SYNE2: variants seen among roughly 807,000 people sequenced by gnomAD.
SYNE2 encodes the protein spectrin repeat containing nuclear envelope protein 2.
In SYNE2, 431 loss-of-function variants were observed where a neutral mutation model predicts 856.3. The ratio of observed to expected loss-of-function variants is 0.50; its 90% confidence interval spans 0.47 to 0.55. The LOEUF (loss-of-function observed/expected upper bound fraction) is 0.55, where lower values mean the gene tolerates loss of function less well. Ranked by LOEUF, SYNE2 falls within the 20% of genes least tolerant of loss-of-function variation. The pLI is 0.00. For missense variants in SYNE2, 8,129 were observed against 8,023.2 expected (o/e 1.01, Z -0.50); for synonymous variants, 2,923 against 2,872.3 (o/e 1.02, Z -0.56).
At chr14:64,017,474 T>G (rs1436708603) in intron 33 of SYNE2, 121 bp from the exon 34 acceptor site, 1 of 799,442 alleles carries the variant, frequency 1.3e-6, no homozygotes, top group Admixed American at 2.3e-5. Flanking sequence ...TGTTGATGAA[T>G]AAAGCAGATT....
rs781609349 is a variant in SYNE2 at position 64,119,598 on chromosome 14, A to G, written c.13012A>G (p.Ser4338Gly). The part of the protein sequence containing the change: ...KVQMMLQEKH[S>G]EDQHPTILKK... ...CCAGATGATGCTTCAGGAGAAGCACAGTGAAGATCAGGTAAAAAATGACTA... is the reference window on the plus strand; with the variant it reads ...CCAGATGATGCTTCAGGAGAAGCACGGTGAAGATCAGGTAAAAAATGACTA... The change falls in exon 67 of 116, where the codon AGT becomes GGT. Residue 4338 changes from serine to glycine, a missense_variant. By Grantham distance (56) the Ser-to-Gly change is moderately conservative (BLOSUM62 0). Around this residue, in one of 3 missense-constraint regions of SYNE2, gnomAD observed 5,410 missense variants for 5,284.8 expected, o/e 1.02. Transcript: ENST00000555002. 4 of 1,614,166 alleles carry G rather than the reference A, an allele frequency of 2.5e-6. No homozygotes were observed. In the South Asian group the frequency reaches 4.4e-5, roughly 18 times the overall value.
intron 58 of SYNE2, among the ~76,000 whole-genome samples, 155 bp from the exon 59 acceptor site, chr14:64,089,419 A>G (rs1224528598): frequency 6.8e-6 from 1 of 146,796 alleles, no homozygotes; most frequent in Non-Finnish European, 1.5e-5. Context: ...GGTGAACATT[A>G]TTTATTTATC....
intron 39 of SYNE2, among the ~76,000 whole-genome samples, chr14:64,024,681 T>C (rs1252625871): frequency 6.6e-6 from 1 of 152,170 alleles, no homozygotes; most frequent in Non-Finnish European, 1.5e-5. Context: ...GAAAAAAGTT[T>C]TCTGTTTCCT....
At chr14:64,012,960 G>A (rs1016865355) in intron 32 of SYNE2, among the ~76,000 whole-genome samples, 12 of 152,146 alleles carry the variant, frequency 7.9e-5, no homozygotes, top group South Asian at 2.1e-4. Flanking sequence ...TAGTAACCTG[G>A]ATGTTTATCT....
rs1032143229 is a variant in SYNE2 at position 64,130,084 on chromosome 14, A to G, written c.14176A>G (p.Arg4726Gly). 3.1e-6 allele frequency: 5 copies of G among 1,614,008 alleles called. No homozygotes were observed. Among genetic ancestry groups the G allele is most frequent in the Non-Finnish European group, 4.2e-6 (5 of 1,180,052 alleles). The change falls in exon 76 of 116, where the codon AGG becomes GGG. Residue 4726 changes from arginine to glycine, a missense_variant. Around this residue, in one of 3 missense-constraint regions of SYNE2, gnomAD observed 5,410 missense variants for 5,284.8 expected, o/e 1.02. Transcript: ENST00000555002. The part of the protein sequence containing the change: ...LDSMWGMLRA[R>G]YTELSSPFVT... ...CAGTATGTGGGGAATGCTAAGAGCC[A>G]GGTACACAGAACTCAGCAGCCCTTT...
At chr14:63,962,049 T>TTTTG (rs1471253751) in intron 9 of SYNE2, among the ~76,000 whole-genome samples, 4 of 151,622 alleles carry the variant, frequency 2.6e-5, no homozygotes, top group African/African-American at 4.8e-5. Context: ...TTATTTTTAT[T>TTTTG]TTTGTTTATT....
At chr14:64,005,538 CA>C (rs1270767409) in intron 30 of SYNE2, among the ~76,000 whole-genome samples, 1 of 152,140 alleles carries the variant, frequency 6.6e-6, no homozygotes, top group Non-Finnish European at 1.5e-5. Flanking sequence ...GTAACTTGAA[CA>C]GTGAGTAAGA....
chr14:63,801,289 A>G (rs1420724165), intron 1 of SYNE2, among the ~76,000 whole-genome samples: 1 of 152,214 alleles, frequency 6.6e-6, no homozygotes, highest in Non-Finnish European at 1.5e-5. Flanking sequence ...TGATGGGTGC[A>G]CCAGATTCTC....
chr14:64,159,266 T>C (rs768737638), intron 86 of SYNE2, 46 bp from the exon 87 acceptor site: 58 of 1,612,686 alleles, frequency 3.6e-5, no homozygotes, highest in Non-Finnish European at 4.9e-5. Flanking sequence ...TCTTTGGAAG[T>C]AGCCAGGCCA....
intron 55 of SYNE2, among the ~76,000 whole-genome samples, chr14:64,079,988 A>C (rs2097505963): frequency 6.6e-6 from 1 of 152,150 alleles, no homozygotes; most frequent in African/African-American, 2.4e-5. Flanking sequence ...CACCCAGCCC[A>C]GATATTTTTC....
rs370235494 is a variant in SYNE2, at chr14:63,990,518, T to G, written c.2421T>G (p.Val807=). The G allele has an allele frequency of 2.5e-6, 4 of 1,613,932 alleles. No individual in the cohort carries two copies. Among genetic ancestry groups the G allele is most frequent in the Non-Finnish European group, 3.4e-6 (4 of 1,179,936 alleles). ...CAAGCCAGGAGTCCTTTCAACATGT[T>G]CTCACAACTGGGCTTCAGGCAAAGA... is the stretch of plus-strand genomic sequence containing the variant. The part of the protein sequence containing the change: ...NISSQESFQH[V]LTTGLQAKIQ... The change falls in exon 20 of 116, where the codon GTT becomes GTG. Residue 807 remains valine (V), a synonymous_variant. Transcript: ENST00000555002.
intron 2 of SYNE2, among the ~76,000 whole-genome samples, chr14:63,917,519 G>A (rs1238585069): frequency 1.3e-5 from 2 of 152,098 alleles, no homozygotes; most frequent in Non-Finnish European, 2.9e-5. Context: ...TGCCCAGGCT[G>A]GAGTGCAATG....
chr14:63,964,263 G>C (rs2096360698), intron 10 of SYNE2, among the ~76,000 whole-genome samples: 2 of 152,200 alleles, frequency 1.3e-5, no homozygotes, highest in African/African-American at 4.8e-5. Flanking sequence ...AGGTGATGTT[G>C]ATTCAGCTGG....
chr14:63,870,152 CATCT>C (rs1366571238), intron 1 of SYNE2, among the ~76,000 whole-genome samples: 3 of 152,106 alleles, frequency 2.0e-5, no homozygotes, highest in Non-Finnish European at 4.4e-5. Flanking sequence ...AACCACAAAT[CATCT>C]ATCCAGCCTT....
At chr14:64,215,675 C>T (rs1344790047) in intron 107 of SYNE2, 12 of 472,430 alleles carry the variant, frequency 2.5e-5, no homozygotes, top group Middle Eastern at 1.2e-3. Flanking sequence ...AAGCTTTCTT[C>T]ATGGTGGCTT....
At chr14:63,829,597 T>C (rs1276644131) in intron 1 of SYNE2, among the ~76,000 whole-genome samples, 1 of 152,108 alleles carries the variant, frequency 6.6e-6, no homozygotes, top group East Asian at 1.9e-4. Flanking sequence ...TTTTTATTTA[T>C]TTTTACTTTA....
chr14:64,187,981 T>A (rs1393273662), intron 97 of SYNE2, among the ~76,000 whole-genome samples: 1 of 152,238 alleles, frequency 6.6e-6, no homozygotes, highest in Non-Finnish European at 1.5e-5. Context: ...GATACTTTTA[T>A]GGTTTCCATC....
intron 1 of SYNE2, among the ~76,000 whole-genome samples, chr14:63,845,285 G>T (rs1430167819): frequency 6.6e-6 from 1 of 151,862 alleles, no homozygotes; most frequent in Admixed American, 6.6e-5. Flanking sequence ...GCATGGTGGT[G>T]GGCACCTGTA....
chr14:64,150,956 A>T (rs557231334), intron 84 of SYNE2, among the ~76,000 whole-genome samples: 1 of 152,294 alleles, frequency 6.6e-6, no homozygotes, highest in African/African-American at 2.4e-5. Flanking sequence ...ATAATATTTC[A>T]TAAATTCACC....
Sources: allele counts gnomAD v4.1 joint callset (sites outside exome capture counted in the v4.1 genomes callset), GRCh38; gene constraint gnomAD v4.1.1; regional missense constraint gnomAD v4.1.1; transcripts MANE v1.5; gene names NCBI Gene and HGNC (gene_info 2026-07-23, HGNC 2026-07-21).